MGLL: variants seen among roughly 807,000 people sequenced by gnomAD.
MGLL encodes lysophospholipase homolog.
Under a neutral mutation model 29.1 loss-of-function variants are expected in MGLL, and 7 were observed. The observed-to-expected ratio is 0.24, with a 90% CI of 0.14 to 0.45. The LOEUF (loss-of-function observed/expected upper bound fraction) is 0.45, where lower values mean the gene tolerates loss of function less well. Among genes scored for constraint, MGLL ranks in the 20% least tolerant of loss-of-function variants. MGLL has a pLI of 0.99. For missense variants in MGLL, 356 were observed against 413.6 expected (o/e 0.86, Z 1.21); for synonymous variants, 148 against 168.3 (o/e 0.88, Z 0.93).
At position 127,690,262 on chromosome 3, in the gene MGLL, A is replaced by G. The variant is rs2075218694; in HGVS notation, c.*1936T>C. ...CAGGCGGGGCTGGCTTTCTCAGTGCATATTTTACATTTTTCTCCTTCAAAG... is the reference window on the plus strand; with the variant it reads ...CAGGCGGGGCTGGCTTTCTCAGTGCGTATTTTACATTTTTCTCCTTCAAAG... On this transcript the variant is annotated 3_prime_UTR_variant, in exon 8 of 8. Coordinates refer to ENST00000265052, the MANE Select transcript of MGLL (RefSeq NM_007283.7). 4 of 152,126 alleles carry G rather than the reference A, an allele frequency of 2.6e-5. No homozygotes were observed. The highest frequency in any genetic ancestry group is 2.6e-4 in the Admixed American group (4 of 15,268). 9.4% of individuals were successfully genotyped at this position (152,126 alleles called of 1,614,324 possible). A position where few individuals can be genotyped will look rare whatever the true frequency, so the allele number is the denominator to read the frequency against.
chr3:127,733,427 C>G (rs2076186160), intron 3 of MGLL, among the ~76,000 whole-genome samples: 1 of 152,216 alleles, frequency 6.6e-6, no homozygotes. Context: ...TCATGTTACT[C>G]TATGGACTCC....
At chr3:127,798,707 A>C (rs1221451378) in intron 2 of MGLL, among the ~76,000 whole-genome samples, 1 of 151,992 alleles carries the variant, frequency 6.6e-6, no homozygotes, top group Middle Eastern at 3.2e-3. Context: ...AGCCAAAATC[A>C]CTGATGTCTC....
intron 2 of MGLL, among the ~76,000 whole-genome samples, chr3:127,784,226 A>G (rs1004096870): frequency 6.6e-6 from 1 of 152,226 alleles, no homozygotes; most frequent in Non-Finnish European, 1.5e-5. Context: ...TTGGCCACAC[A>G]TTGGAGTCAC....
intron 3 of MGLL, among the ~76,000 whole-genome samples, chr3:127,765,748 A>G (rs2076844627): frequency 1.3e-5 from 2 of 152,388 alleles, no homozygotes; most frequent in South Asian, 4.1e-4. Flanking sequence ...TTCCCGCAGG[A>G]ACGGCCGCAT....
At chr3:127,749,402 C>T (rs1407959937) in intron 3 of MGLL, among the ~76,000 whole-genome samples, 1 of 152,212 alleles carries the variant, frequency 6.6e-6, no homozygotes. Flanking sequence ...GCAAATGCTT[C>T]CCAGAGCTTT....
At chr3:127,819,732 G>A (rs952072004) in intron 2 of MGLL, among the ~76,000 whole-genome samples, 1 of 152,102 alleles carries the variant, frequency 6.6e-6, no homozygotes, top group African/African-American at 2.4e-5. Context: ...ATGATGCTGC[G>A]GGGGTCTCCC....
At chr3:127,693,319 T>C (rs950866752) in intron 7 of MGLL, among the ~76,000 whole-genome samples, 14 of 152,198 alleles carry the variant, frequency 9.2e-5, no homozygotes, top group Non-Finnish European at 1.5e-4. Context: ...CCCCAGCTCC[T>C]GTCTTCCCAA....
intron 2 of MGLL, among the ~76,000 whole-genome samples, chr3:127,799,629 T>C (rs1174436947): frequency 1.3e-5 from 2 of 152,196 alleles, no homozygotes; most frequent in Non-Finnish European, 2.9e-5. Flanking sequence ...CAGTCAACTC[T>C]CTTTCCTCTT....
At chr3:127,799,217 G>T (rs2077436673) in intron 2 of MGLL, among the ~76,000 whole-genome samples, 1 of 152,176 alleles carries the variant, frequency 6.6e-6, no homozygotes. Context: ...TATCTCAGCA[G>T]GTCCTCCTCC....
At chr3:127,818,972 C>G (rs1000072855) in intron 2 of MGLL, among the ~76,000 whole-genome samples, 5 of 152,170 alleles carry the variant, frequency 3.3e-5, no homozygotes, top group African/African-American at 1.2e-4. Context: ...CATGAATTTG[C>G]CTTGGTACTG....
At chr3:127,774,586 GA>G (rs2077001206) in intron 3 of MGLL, among the ~76,000 whole-genome samples, 1 of 152,220 alleles carries the variant, frequency 6.6e-6, no homozygotes, top group Non-Finnish European at 1.5e-5. Flanking sequence ...GTCTGGGACA[GA>G]ACTTTCAATA....
intron 2 of MGLL, among the ~76,000 whole-genome samples, chr3:127,814,625 C>G (rs940618342): frequency 6.6e-6 from 1 of 152,024 alleles, no homozygotes; most frequent in Non-Finnish European, 1.5e-5. Flanking sequence ...TTTTTTTCTT[C>G]GACTCTACTG....
chr3:127,725,159 G>T (rs1344297939), intron 3 of MGLL, among the ~76,000 whole-genome samples: 1 of 152,108 alleles, frequency 6.6e-6, no homozygotes, highest in African/African-American at 2.4e-5. Context: ...CCTCTTCCGA[G>T]ATCTTGGCTC....
At chr3:127,732,559 T>C (rs1170923325) in intron 3 of MGLL, among the ~76,000 whole-genome samples, 3 of 151,902 alleles carry the variant, frequency 2.0e-5, no homozygotes, top group Non-Finnish European at 4.4e-5. Context: ...AGGGCTGGCA[T>C]CTTCCCTACA....
intron 3 of MGLL, among the ~76,000 whole-genome samples, chr3:127,726,212 AG>A (rs2076042063): frequency 6.9e-6 from 1 of 143,952 alleles, no homozygotes; most frequent in East Asian, 2.2e-4. Context: ...GAAAGACAGA[AG>A]GAAGGAAAGA....
intron 3 of MGLL, among the ~76,000 whole-genome samples, chr3:127,725,261 C>T (rs1559925451): frequency 6.6e-6 from 1 of 152,154 alleles, no homozygotes; most frequent in Admixed American, 6.5e-5. Flanking sequence ...GCTGTGTTTT[C>T]TTTTTCTCTT....
chr3:127,782,666 C>T lies in MGLL; in HGVS notation c.156-771G>A, dbSNP rs79570116. On this transcript the variant is annotated intron_variant, in intron 2 of 7. Coordinates refer to ENST00000265052, the MANE Select transcript of MGLL (RefSeq NM_007283.7). ...ACCTATATTCTTAGCAGAAGACCTA[C>T]GGAGAGCTAGAGTCTCCTTCAGGCA... is the stretch of plus-strand genomic sequence containing the variant. Among the ~76,000 whole-genome samples the T allele has an allele frequency of 2.8e-4, 43 of 152,302 alleles. No individual in the cohort carries two copies. The East Asian group carries it at 5.8e-3, about 21-fold the overall frequency.
chr3:127,820,214 CT>C (rs1238560676), intron 2 of MGLL, among the ~76,000 whole-genome samples: 2 of 152,204 alleles, frequency 1.3e-5, no homozygotes, highest in Non-Finnish European at 2.9e-5. Flanking sequence ...CAAGAGGCAG[CT>C]CAGTTTAAAT....
At chr3:127,786,264 C>G (rs2077211617) in intron 2 of MGLL, among the ~76,000 whole-genome samples, 1 of 152,226 alleles carries the variant, frequency 6.6e-6, no homozygotes, top group Non-Finnish European at 1.5e-5. Flanking sequence ...CGACAGGGCC[C>G]TGAGCAGGTG....
Sources: gnomAD v4.1 joint callset for allele counts (sites outside exome capture counted in the v4.1 genomes callset) on GRCh38, gnomAD v4.1.1 for gene constraint, MANE v1.5 for transcripts, NCBI Gene and HGNC (gene_info 2026-07-23, HGNC 2026-07-21) for gene names.